Variants in PLPPR4 observed in about 807,000 individuals in gnomAD.
PLPPR4 encodes the protein phospholipid phosphatase-related protein type 4.
PLPPR4 carries 24 observed loss-of-function variants against 56.6 expected under a neutral mutation model. The observed-to-expected ratio is 0.42, with a 90% CI of 0.31 to 0.60. PLPPR4 has a LOEUF of 0.60. Ranked by LOEUF, PLPPR4 falls within the 20% of genes least tolerant of loss-of-function variation. The pLI is 0.13. For missense variants in PLPPR4, 654 were observed against 885.8 expected (o/e 0.74, Z 3.32); for synonymous variants, 326 against 328.1 (o/e 0.99, Z 0.07).
chr1:99,264,474 G>A (rs1430184846), upstream of PLPPR4: 5 of 1,522,484 alleles, frequency 3.3e-6, no homozygotes, highest in African/African-American at 4.2e-5. Flanking sequence ...CTCCAGCGGT[G>A]GCCGCGGGGA....
intron 1 of PLPPR4, among the ~76,000 whole-genome samples, chr1:99,275,590 G>A (rs1420269869): frequency 6.6e-6 from 1 of 152,148 alleles, no homozygotes; most frequent in Non-Finnish European, 1.5e-5. Flanking sequence ...AGCCTGGACT[G>A]AACCTCAGCT....
At chr1:99,270,927 G>A (rs1293305252) in intron 1 of PLPPR4, among the ~76,000 whole-genome samples, 2 of 152,150 alleles carry the variant, frequency 1.3e-5, no homozygotes, top group East Asian at 3.8e-4. Flanking sequence ...AGAGAACAGA[G>A]TCCTAAGTTT....
At chr1:99,273,744 G>A (rs761929339) in intron 1 of PLPPR4, among the ~76,000 whole-genome samples, 24 of 152,074 alleles carry the variant, frequency 1.6e-4, no homozygotes, top group Non-Finnish European at 2.6e-4. Flanking sequence ...CATACTTTCC[G>A]GTCTATAGTA....
chr1:99,265,491 T>C (rs909456219), intron 1 of PLPPR4, among the ~76,000 whole-genome samples: 2 of 152,182 alleles, frequency 1.3e-5, no homozygotes, highest in Non-Finnish European at 2.9e-5. Context: ...ATACAGTGAT[T>C]CCGTGTACTG....
Position 99,293,620 on chromosome 1 carries a change from T to C in PLPPR4, c.265-3118T>C, listed in dbSNP as rs187231223. On this transcript the variant is annotated intron_variant, in intron 2 of 6. Coordinates refer to ENST00000370185, the MANE Select transcript of PLPPR4 (RefSeq NM_014839.5). Reference sequence around the variant, plus strand: ...TAATATATCTAATTTTATAGAAGAATTCCATCAGAATTTAATTCTAGCTCC... The same window carrying C: ...TAATATATCTAATTTTATAGAAGAACTCCATCAGAATTTAATTCTAGCTCC... Among the ~76,000 whole-genome samples the C allele has an allele frequency of 9.5e-4, 144 of 152,296 alleles. 2 individuals carry two copies. The East Asian group carries it at 0.022, about 23-fold the overall frequency.
rs201385642 is a variant in PLPPR4, at chr1:99,306,629, G to A, written c.1767G>A (p.Pro589=). The A allele has an allele frequency of 6.8e-6, 11 of 1,613,988 alleles. No homozygotes were observed. The highest frequency in any genetic ancestry group is 3.3e-4 in the Middle Eastern group (2 of 6,084). The change falls in exon 7 of 7, where the codon CCG becomes CCA. Residue 589 remains proline (P), a synonymous_variant. Coordinates refer to ENST00000370185, the MANE Select transcript of PLPPR4 (RefSeq NM_014839.5). This position sits in a 1 kb window ranked among gnomAD's most constrained non-coding sequence, Gnocchi z 4.0. ...PENNRPIIQI[P]STEGEGSGSW... is the part of the protein sequence containing the mutation. ...ACAACAGGCCCATCATACAGATCCC[G>A]TCCACTGAAGGTGAAGGCAGTGGCT...
At position 99,306,705 on chromosome 1, in the gene PLPPR4, C is replaced by A; in HGVS notation, c.1843C>A (p.Leu615Ile). ...EKGSLRQTYE[L>I]NDLNRDSESC... The stretch of plus-strand genomic sequence containing the variant: ...GGGCAGCCTTCGCCAAACTTACGAG[C>A]TCAACGATCTCAACAGGGACTCAGA... The change falls in exon 7 of 7, where the codon CTC becomes ATC. Residue 615 changes from leucine to isoleucine, a missense_variant. Coordinates refer to ENST00000370185, the MANE Select transcript of PLPPR4 (RefSeq NM_014839.5). This position sits in a 1 kb window ranked among gnomAD's most constrained non-coding sequence, Gnocchi z 4.0. 6.2e-7 allele frequency: 1 copy of A among 1,614,026 alleles called. No individual in the cohort carries two copies. Among genetic ancestry groups the A allele is most frequent in the Non-Finnish European group, 8.5e-7 (1 of 1,179,976 alleles).
chr1:99,298,222 C>T (rs1276989234), intron 3 of PLPPR4, among the ~76,000 whole-genome samples: 1 of 152,086 alleles, frequency 6.6e-6, no homozygotes, highest in Non-Finnish European at 1.5e-5. Flanking sequence ...AGAATGCAAG[C>T]TGTCAAGTCA....
intron 1 of PLPPR4, among the ~76,000 whole-genome samples, chr1:99,283,046 G>T (rs538463402): frequency 4.2e-4 from 63 of 150,314 alleles, no homozygotes; most frequent in African/African-American, 1.5e-3. Context: ...CAACTAGAAT[G>T]AAATATTCAT....
intron 4 of PLPPR4, 28 bp from the exon 5 acceptor site, chr1:99,300,881 G>A: frequency 6.4e-7 from 1 of 1,574,044 alleles, no homozygotes; most frequent in Non-Finnish European, 8.7e-7. Flanking sequence ...GAACTACAAG[G>A]CATAATTTGA....
intron 1 of PLPPR4, among the ~76,000 whole-genome samples, chr1:99,271,787 G>C (rs988488144): frequency 6.6e-6 from 1 of 151,876 alleles, no homozygotes; most frequent in Admixed American, 6.6e-5. Flanking sequence ...AGAATATGTA[G>C]GTGTGTCCAA....
chr1:99,278,895 T>A (rs1659255938), intron 1 of PLPPR4, among the ~76,000 whole-genome samples: 1 of 152,230 alleles, frequency 6.6e-6, no homozygotes. Context: ...CTCTTCTCTA[T>A]TAATTATCAT....
intron 6 of PLPPR4, among the ~76,000 whole-genome samples, chr1:99,303,427 G>A (rs1447935263): frequency 1.3e-5 from 2 of 152,160 alleles, no homozygotes; most frequent in East Asian, 1.9e-4. Flanking sequence ...AGAGCAATCA[G>A]TATTGGAGAA....
chr1:99,305,261 T>TA (rs1659992409), intron 6 of PLPPR4, among the ~76,000 whole-genome samples: 1 of 152,222 alleles, frequency 6.6e-6, no homozygotes, highest in African/African-American at 2.4e-5. Context: ...ACACTTCTTC[T>TA]ACTTTCCATC....
chr1:99,301,811 G>A lies in PLPPR4; in HGVS notation c.736G>A (p.Gly246Arg). Residue 246 changes from glycine to arginine, a missense_variant, in exon 6 of 7, where the codon GGG (glycine) becomes AGG (arginine). Gly to Arg is a moderately radical substitution (Grantham distance 125, BLOSUM62 -2). Around this residue, in one of 2 missense-constraint regions of PLPPR4, gnomAD observed 186 missense variants for 331.4 expected, o/e 0.56. Transcript: ENST00000370185. The stretch of plus-strand genomic sequence containing the variant: ...ATTTATCATCTGTGGAATAATCTGC[G>A]GGCTAACACGGATAACTCAGTATAA... The part of the protein sequence containing the change: ...FTFIICGIIC[G>R]LTRITQYKNH... 2 of 1,612,356 alleles carry A rather than the reference G, an allele frequency of 1.2e-6. No homozygotes were observed. The highest frequency in any genetic ancestry group is 8.5e-7 in the Non-Finnish European group (1 of 1,178,792).
chr1:99,263,679 A>G (rs2100777839), upstream of PLPPR4, among the ~76,000 whole-genome samples: 1 of 152,330 alleles, frequency 6.6e-6, no homozygotes, highest in African/African-American at 2.4e-5. Flanking sequence ...ACTGCCAACA[A>G]GATGAAGGAC....
chr1:99,285,374 T>TGGATTTAAGTGGAAATTTC (rs1553192034), intron 1 of PLPPR4, among the ~76,000 whole-genome samples: 2 of 152,158 alleles, frequency 1.3e-5, no homozygotes, highest in Non-Finnish European at 2.9e-5. Context: ...TATATTTATA[T>TGGATTTAAGTGGAAATTTC]GGATTTAAGT....
rs1300763722 is a variant in PLPPR4 at position 99,299,320 on chromosome 1, C to A, written c.590+90C>A. 1.1e-5 allele frequency: 10 copies of A among 897,494 alleles called. No homozygotes were observed. In the East Asian group the frequency reaches 2.1e-4, roughly 19 times the overall value. The allele number at this position is 897,494 out of a possible 1,614,324, so 55.6% of individuals were successfully genotyped here. A position where few individuals can be genotyped will look rare whatever the true frequency, so the allele number is the denominator to read the frequency against. On this transcript the variant is annotated intron_variant, in intron 4 of 6. Transcript: ENST00000370185. The stretch of plus-strand genomic sequence containing the variant: ...TCACTTTAAGCATGCCTCTTTCAGT[C>A]ATAATGATTTTGTTTTTATTTTTCT...
intron 2 of PLPPR4, among the ~76,000 whole-genome samples, chr1:99,291,966 ATAT>A (rs779519865): frequency 6.6e-6 from 1 of 151,984 alleles, no homozygotes; most frequent in East Asian, 1.9e-4. Context: ...TATAAATTTT[ATAT>A]ATATAGATGC....
Sources: gnomAD v4.1 joint callset for allele counts (sites outside exome capture counted in the v4.1 genomes callset) on GRCh38, gnomAD v4.1.1 for gene constraint, gnomAD v4.1.1 regional missense constraint, Gnocchi (gnomAD v3.1) non-coding constraint, MANE v1.5 for transcripts, NCBI Gene and HGNC (gene_info 2026-07-23, HGNC 2026-07-21) for gene names.